Variants in GNE observed in about 807,000 individuals in gnomAD.
GNE encodes the protein bifunctional UDP-N-acetylglucosamine 2-epimerase/N-acetylmannosamine kinase.
In GNE, 41 loss-of-function variants were observed where a neutral mutation model predicts 61.8. The observed-to-expected ratio is 0.66, with a 90% confidence interval of 0.52 to 0.86. The LOEUF is 0.86. Among genes scored for constraint, GNE ranks in the 40% least tolerant of loss-of-function variants. The probability of loss-of-function intolerance (pLI) is 0.00; values close to 1 mark genes in which losing one functional copy is unlikely to be tolerated. For missense variants in GNE, 608 were observed against 909.1 expected (o/e 0.67, Z 4.26); for synonymous variants, 264 against 326.4 (o/e 0.81, Z 2.06).
At chr9:36,263,354 A>G (rs1401202670), upstream of GNE, 15 of 210,526 alleles carry the variant, frequency 7.1e-5, no homozygotes, top group Non-Finnish European at 1.5e-4. Flanking sequence ...TATTTTTAGT[A>G]GAGATGGGGT....
intron 2 of GNE, among the ~76,000 whole-genome samples, chr9:36,246,854 A>G (rs930082007): frequency 4.0e-5 from 6 of 151,766 alleles, no homozygotes; most frequent in Admixed American, 3.9e-4. Context: ...TTTTTAGTAC[A>G]GATGGGGTTT....
intron 1 of GNE, chr9:36,265,319 G>A (rs998427664): frequency 4.5e-6 from 2 of 444,896 alleles, no homozygotes; most frequent in East Asian, 7.0e-5. Flanking sequence ...GTCAGAGAAC[G>A]AGAGGCTTGC....
intron 7 of GNE, among the ~76,000 whole-genome samples, chr9:36,226,672 G>T (rs1430167194): frequency 6.6e-6 from 1 of 152,108 alleles, no homozygotes; most frequent in East Asian, 1.9e-4. Flanking sequence ...TTCAAACCAA[G>T]ATTTTTCTAG....
intron 3 of GNE, among the ~76,000 whole-genome samples, chr9:36,238,292 A>C (rs1051025514): frequency 2.6e-5 from 4 of 152,134 alleles, no homozygotes; most frequent in African/African-American, 9.7e-5. Context: ...TCCTCTGGGT[A>C]GATACCCAGT....
chr9:36,248,310 A>T (rs74533234), intron 2 of GNE, among the ~76,000 whole-genome samples: 2,616 of 148,860 alleles, frequency 0.018, 78 homozygotes, highest in African/African-American at 0.059. Flanking sequence ...CAGATTATTC[A>T]ACCTTTGCTT....
chr9:36,236,877 A>T lies in GNE; in HGVS notation c.724T>A (p.Ser242Thr), dbSNP rs774970723. The T allele has an allele frequency of 4.3e-6, 7 of 1,613,490 alleles. No individual in the cohort carries two copies. The East Asian group carries it at 1.6e-4, about 36-fold the overall frequency. Residue 242 changes from serine (S) to threonine (T), a missense_variant, in exon 4 of 12, where the codon TCA becomes ACA. Ser to Thr is a moderately conservative substitution (Grantham distance 58). Coordinates refer to ENST00000642385, the MANE Select transcript of GNE (RefSeq NM_005476.7). ...AGGACTAGGGTCCGCTTGTTAAATG[A>T]GATAAGTGCATCCAATGTTAATTCA... Reference protein sequence around the residue: ...MFELTLDALISFNKRTLVLFP... With the variant: ...MFELTLDALITFNKRTLVLFP...
intron 1 of GNE, among the ~76,000 whole-genome samples, chr9:36,251,794 T>C (rs371941339): frequency 6.6e-6 from 1 of 152,092 alleles, no homozygotes; most frequent in African/African-American, 2.4e-5. Context: ...TCAGTAGCCC[T>C]CTGCTGTTGG....
intron 1 of GNE, among the ~76,000 whole-genome samples, chr9:36,274,735 T>C (rs1563964993): frequency 6.6e-6 from 1 of 151,612 alleles, no homozygotes; most frequent in African/African-American, 2.4e-5. Flanking sequence ...TTTTTTTTTT[T>C]CTCTTGAGAC....
At position 36,267,772 on chromosome 9, in the gene GNE, TATC is replaced by T. The variant is rs1405466020; in HGVS notation, c.51+9119_51+9121del. 75 of 152,042 alleles carry T rather than the reference TATC, an allele frequency of 4.9e-4. 1 individual carries two copies. Among genetic ancestry groups the T allele is most frequent in the African/African-American group, 1.6e-3 (67 of 41,394 alleles). The allele number at this position is 152,042 out of a possible 1,614,324, so 9.4% of individuals were successfully genotyped here. A position where few individuals can be genotyped will look rare whatever the true frequency, so the allele number is the denominator to read the frequency against. ...TATTTTTCTTTATGGGCTATGAAAGTATCATACTGTAGCTTTGTGCAGTGGCAG... is the reference window on the plus strand; with the variant it reads ...TATTTTTCTTTATGGGCTATGAAAGTATACTGTAGCTTTGTGCAGTGGCAG... On this transcript the variant is annotated intron_variant, in intron 1 of 11. Coordinates refer to the GNE transcript ENST00000396594.
intron 1 of GNE, among the ~76,000 whole-genome samples, chr9:36,272,688 G>T (rs1157138045): frequency 6.7e-6 from 1 of 149,830 alleles, no homozygotes; most frequent in Non-Finnish European, 1.5e-5. Context: ...AGGACTGGAA[G>T]AAGGGAAACC....
chr9:36,229,712 A>G (rs77894790), intron 5 of GNE, among the ~76,000 whole-genome samples: 2,453 of 152,182 alleles, frequency 0.016, 61 homozygotes, highest in African/African-American at 0.056. Flanking sequence ...AAGGATGAGA[A>G]AAGATCACTC....
chr9:36,220,099 A>C (rs903740313), intron 9 of GNE, 79 bp from the exon 10 acceptor site: 1 of 1,198,098 alleles, frequency 8.3e-7, no homozygotes, highest in Non-Finnish European at 1.2e-6. Flanking sequence ...TCATCTATTT[A>C]GCAGAGCTTT....
chr9:36,275,503 AGAGT>A (rs1306970827), intron 1 of GNE, among the ~76,000 whole-genome samples: 1 of 152,334 alleles, frequency 6.6e-6, no homozygotes, highest in Admixed American at 6.5e-5. Flanking sequence ...AAGGCCATAT[AGAGT>A]ATTTCAGAGC....
At chr9:36,274,002 T>C (rs1417683626) in intron 1 of GNE, among the ~76,000 whole-genome samples, 2 of 152,164 alleles carry the variant, frequency 1.3e-5, no homozygotes, top group South Asian at 2.1e-4. Flanking sequence ...TGAATGACTG[T>C]TAGACATCAC....
chr9:36,272,923 A>AT (rs1185016434), intron 1 of GNE, among the ~76,000 whole-genome samples: 34 of 146,654 alleles, frequency 2.3e-4, no homozygotes, highest in African/African-American at 7.4e-4. Flanking sequence ...AATACAAAAA[A>AT]AAAAAAAAAA....
chr9:36,234,136 T>A lies in GNE; in HGVS notation c.770-4A>T, dbSNP rs1178437195. The A allele has an allele frequency of 6.2e-7, 1 of 1,608,300 alleles. No individual in the cohort carries two copies. Among genetic ancestry groups the A allele is most frequent in the Non-Finnish European group, 8.5e-7 (1 of 1,174,872 alleles). ...ACTCGAACCATCTCTTTGCTCCCTA[T>A]GAAAATGAAAAGAACCAATTGGTAA... On this transcript the variant is annotated splice_region_variant and splice_polypyrimidine_tract_variant and intron_variant, in intron 4 of 11. Transcript: ENST00000642385.
At chr9:36,270,226 G>C (rs1185850607) in intron 1 of GNE, among the ~76,000 whole-genome samples, 1 of 152,108 alleles carries the variant, frequency 6.6e-6, no homozygotes, top group Non-Finnish European at 1.5e-5. Flanking sequence ...GCCTTCCAAA[G>C]TGTTGGTATT....
chr9:36,228,572 C>G (rs1443025063), intron 6 of GNE, among the ~76,000 whole-genome samples: 3 of 151,866 alleles, frequency 2.0e-5, no homozygotes, highest in African/African-American at 7.3e-5. Context: ...GCAGGCGGAT[C>G]ACCTGAGGTC....
intron 1 of GNE, among the ~76,000 whole-genome samples, chr9:36,251,067 C>T (rs1400854801): frequency 6.6e-6 from 1 of 152,204 alleles, no homozygotes; most frequent in Non-Finnish European, 1.5e-5. Flanking sequence ...GCCAGCCATA[C>T]CAAACTGCCT....
Sources: gnomAD v4.1 joint callset for allele counts (sites outside exome capture counted in the v4.1 genomes callset) on GRCh38, gnomAD v4.1.1 for gene constraint, MANE v1.5 for transcripts, NCBI Gene and HGNC (gene_info 2026-07-23, HGNC 2026-07-21) for gene names.